The following CYP3A5 variants were observed in gnomAD, a reference collection of about 807,000 sequenced individuals.
CYP3A5 encodes cytochrome P450 family 3 subfamily A member 5.
A neutral mutation model predicts 55.9 loss-of-function variants in CYP3A5; 51 were observed. The ratio of observed to expected loss-of-function variants is 0.91; its 90% CI spans 0.73 to 1.15. The LOEUF is 1.15. Ranked by LOEUF, CYP3A5 falls within the 50% of genes most tolerant of loss-of-function variation. The pLI is 0.00. For synonymous variants in CYP3A5, 196 were observed against 213.9 expected (o/e 0.92, Z 0.73); for missense variants, 533 against 596.6 (o/e 0.89, Z 1.11).
chr7:99,668,820 C>T (rs4646449), intron 4 of CYP3A5, among the ~76,000 whole-genome samples: 8,792 of 152,198 alleles, frequency 0.058, 526 homozygotes, highest in East Asian at 0.25. Context: ...TGGTGGTGTG[C>T]GACTTCCAGT....
intron 3 of CYP3A5, among the ~76,000 whole-genome samples, chr7:99,674,047 C>T (rs943119534): frequency 2.0e-5 from 3 of 152,096 alleles, no homozygotes; most frequent in Non-Finnish European, 2.9e-5. Context: ...ACAAATAAAT[C>T]CCAAGAAGGC....
At chr7:99,663,731 T>A (rs1189283173) in intron 8 of CYP3A5, 2 of 1,156,422 alleles carry the variant, frequency 1.7e-6, no homozygotes, top group African/African-American at 1.6e-5. Context: ...TCAATACTGT[T>A]TATATCATGA....
chr7:99,676,422 G>A (rs1214792483), intron 1 of CYP3A5: 3 of 1,486,658 alleles, frequency 2.0e-6, no homozygotes, highest in Non-Finnish European at 9.0e-7. Flanking sequence ...TTAGCTGAAA[G>A]CAGCTGAAGT....
At chr7:99,667,197 T>A (rs1321432519) in intron 4 of CYP3A5, 132 bp from the exon 5 acceptor site, 5 of 766,410 alleles carry the variant, frequency 6.5e-6, no homozygotes, top group Non-Finnish European at 9.4e-6. Context: ...CAAGCCATAT[T>A]CAAGATGCTC....
At position 99,666,799 on chromosome 7, in the gene CYP3A5, G is replaced by A. The variant is rs567123348; in HGVS notation, c.433-110C>T. 6 of 1,593,738 alleles carry A rather than the reference G, an allele frequency of 3.8e-6. No individual in the cohort carries two copies. In the African/African-American group the frequency reaches 6.7e-5, roughly 18 times the overall value. ...TAAGTGACATTTTGTAATGAATTTT[G>A]TGATGTCTTTTCTGTACATAAAGAT... On this transcript the variant is annotated intron_variant, in intron 5 of 12. Coordinates refer to ENST00000222982, the MANE Select transcript of CYP3A5 (RefSeq NM_000777.5).
At chr7:99,671,995 G>A (rs1015110236) in intron 4 of CYP3A5, 2 of 614,078 alleles carry the variant, frequency 3.3e-6, no homozygotes, top group Admixed American at 2.7e-5. Context: ...TCAATTTCCT[G>A]TACTATAGTA....
chr7:99,648,487 A>C, intron 12 of CYP3A5, 87 bp from the exon 13 acceptor site: 1 of 1,019,646 alleles, frequency 9.8e-7, no homozygotes. Flanking sequence ...ATATGACAAA[A>C]ATGCTTTGCA....
At chr7:99,671,562 A>C (rs1811633919) in intron 4 of CYP3A5, 1 of 379,132 alleles carries the variant, frequency 2.6e-6, no homozygotes, top group Non-Finnish European at 4.7e-6. Flanking sequence ...CTTGATCTAA[A>C]TCTCATAACT....
At chr7:99,657,750 C>T (rs1461653161) in intron 10 of CYP3A5, among the ~76,000 whole-genome samples, 2 of 152,134 alleles carry the variant, frequency 1.3e-5, no homozygotes, top group African/African-American at 2.4e-5. Flanking sequence ...AGACTTGCTT[C>T]ATGAATCTGG....
chr7:99,678,931 G>A (rs1812552806), intron 1 of CYP3A5, among the ~76,000 whole-genome samples: 2 of 152,166 alleles, frequency 1.3e-5, no homozygotes, highest in African/African-American at 4.8e-5. Context: ...TAGGATGCCA[G>A]GAATCCCACC....
intron 12 of CYP3A5, 119 bp downstream of exon 12, chr7:99,649,954 A>T (rs1016024249): frequency 6.3e-5 from 81 of 1,278,198 alleles, no homozygotes; most frequent in Middle Eastern, 2.6e-4. Context: ...AGATGGATCC[A>T]AGTAGGTTCT....
intron 11 of CYP3A5, among the ~76,000 whole-genome samples, chr7:99,651,108 A>G (rs1394380314): frequency 6.6e-6 from 1 of 152,152 alleles, no homozygotes; most frequent in African/African-American, 2.4e-5. Flanking sequence ...GATAGTCAGG[A>G]GGAGGGTGAT....
intron 4 of CYP3A5, among the ~76,000 whole-genome samples, chr7:99,668,404 C>A (rs1811246778): frequency 6.6e-6 from 1 of 152,206 alleles, no homozygotes; most frequent in Non-Finnish European, 1.5e-5. Flanking sequence ...GGCCTGCAGG[C>A]CTCATGCAGT....
intron 1 of CYP3A5, among the ~76,000 whole-genome samples, chr7:99,676,907 G>A (rs767112060): frequency 6.6e-6 from 1 of 152,082 alleles, no homozygotes; most frequent in Non-Finnish European, 1.5e-5. Context: ...CAGATGATCT[G>A]GTTGATTTGA....
rs1235523705 is a variant in CYP3A5, at chr7:99,674,292, A to G, written c.218+241T>C. On this transcript the variant is annotated intron_variant, in intron 3 of 12. Transcript: ENST00000222982. ...TTATGAGATTCTTCTCATATTTTCT[A>G]TGGAGCATCTTTGTCTTGTTTACCT... is the stretch of plus-strand genomic sequence containing the variant. 1.1e-5 allele frequency: 4 copies of G among 378,162 alleles called. No homozygotes were observed. In the East Asian group the frequency reaches 1.2e-4, roughly 12 times the overall value. 23.4% of individuals were successfully genotyped at this position (378,162 alleles called of 1,614,324 possible). A position where few individuals can be genotyped will look rare whatever the true frequency, so the allele number is the denominator to read the frequency against.
At position 99,665,218 on chromosome 7, in the gene CYP3A5, G is replaced by T. The variant is rs765947173; in HGVS notation, c.618C>A (p.Ser206Arg). 2 of 1,614,066 alleles carry T rather than the reference G, an allele frequency of 1.2e-6. No individual in the cohort carries two copies. Among genetic ancestry groups the T allele is most frequent in the South Asian group, 1.1e-5 (1 of 91,078 alleles). ...LNNPQDPFVE[S>R]TKKFLKFGFL... ...AACCAAATTTTAGGAACTTCTTAGT[G>T]CTCTCCACAAAGGGGTCTTGTGGAT... Residue 206 changes from serine to arginine, a missense_variant, in exon 7 of 13, where the codon AGC becomes AGA. By Grantham distance (110) the Ser-to-Arg change is moderately radical. Coordinates refer to ENST00000222982, the MANE Select transcript of CYP3A5 (RefSeq NM_000777.5).
intron 12 of CYP3A5, among the ~76,000 whole-genome samples, chr7:99,649,193 C>A (rs1455022346): frequency 6.6e-6 from 1 of 152,188 alleles, no homozygotes; most frequent in African/African-American, 2.4e-5. Context: ...GGCCCACTTT[C>A]TCTCAGGGCT....
chr7:99,669,933 A>C (rs1050880535), intron 4 of CYP3A5, among the ~76,000 whole-genome samples: 2 of 152,202 alleles, frequency 1.3e-5, no homozygotes, highest in African/African-American at 4.8e-5. Flanking sequence ...CTCACATTTG[A>C]TGAAGTATTA....
chr7:99,654,286 G>GA (rs202010905), intron 10 of CYP3A5, among the ~76,000 whole-genome samples: 6,210 of 152,032 alleles, frequency 0.041, 155 homozygotes, highest in Admixed American at 0.053. Flanking sequence ...CTGTGTCCAT[G>GA]TGTTCTCATT....
Sources: gnomAD v4.1 joint callset for allele counts (sites outside exome capture counted in the v4.1 genomes callset) on GRCh38, gnomAD v4.1.1 for gene constraint, MANE v1.5 for transcripts, NCBI Gene and HGNC (gene_info 2026-07-23, HGNC 2026-07-21) for gene names.